The following LMNTD1 variants were observed in gnomAD, a reference collection of about 807,000 sequenced individuals.
The protein encoded by LMNTD1 is lamin tail domain-containing protein 1.
Under a neutral mutation model 50.9 loss-of-function variants are expected in LMNTD1, and 35 were observed. The ratio of observed to expected loss-of-function variants is 0.69; its 90% CI spans 0.53 to 0.91. The LOEUF is 0.91. Ranked by LOEUF, LMNTD1 falls within the 40% of genes least tolerant of loss-of-function variation. LMNTD1 has a pLI of 0.00. For missense variants in LMNTD1, 470 were observed against 475.5 expected, an observed-to-expected ratio of 0.99 and a Z score of 0.11; for synonymous variants, 153 against 161.9, an observed-to-expected ratio of 0.94 and a Z score of 0.42.
chr12:25,596,930 G>GAC (rs1945856017), intron 1 of LMNTD1, among the ~76,000 whole-genome samples: 1 of 22,186 alleles, frequency 4.5e-5, no homozygotes, highest in African/African-American at 5.2e-5. Flanking sequence ...AAGGCACAGA[G>GAC]TCTATTAGTT....
At position 25,546,487 on chromosome 12, in the gene LMNTD1, A is replaced by G. The variant is rs747884066; in HGVS notation, c.378T>C (p.Tyr126=). ...ESPMIGDGED[Y]FLSLFGDSKK... ...TTGAATCACCAAACAAAGAAAGGAA[A>G]TAATCTTCTCCATCCCCAATCATGG... is the stretch of plus-strand genomic sequence containing the variant. The change falls in exon 4 of 10, where the codon TAT becomes TAC. Residue 126 remains tyrosine (Y), a synonymous_variant. Transcript: ENST00000458174. The G allele has an allele frequency of 1.9e-6, 3 of 1,598,598 alleles. No individual in the cohort carries two copies. The highest frequency in any genetic ancestry group is 2.2e-5 in the South Asian group (2 of 88,994).
chr12:25,549,597 C>A, intron 2 of LMNTD1, 51 bp from the exon 3 acceptor site: 2 of 1,110,080 alleles, frequency 1.8e-6, no homozygotes, highest in Non-Finnish European at 2.5e-6. Context: ...GTAAAAGTGG[C>A]TGTGAATAAA....
At chr12:25,506,170 G>T (rs1378402173) in intron 8 of LMNTD1, among the ~76,000 whole-genome samples, 1 of 152,214 alleles carries the variant, frequency 6.6e-6, no homozygotes, top group Non-Finnish European at 1.5e-5. Flanking sequence ...AGCTCACATT[G>T]ATGAGATTTT....
rs112718774 is a variant in LMNTD1, at chr12:25,583,344, A to T, written c.59-36790T>A. 4.6e-3 allele frequency among the ~76,000 whole-genome samples: 705 copies of T among 151,880 alleles called. 5 individuals carry two copies. The highest frequency in any genetic ancestry group is 0.015 in the African/African-American group (637 of 41,382). On this transcript the variant is annotated intron_variant, in intron 1 of 7. Transcript: ENST00000445693. Reference sequence around the variant, plus strand: ...GCCCGGCCGGTAATGTTTTTAAAAAATTTTAGTAGAGCCGAGGTCTCACTA... The same window carrying T: ...GCCCGGCCGGTAATGTTTTTAAAAATTTTTAGTAGAGCCGAGGTCTCACTA...
chr12:25,612,601 A>G (rs1160729817), intron 1 of LMNTD1, among the ~76,000 whole-genome samples: 1 of 152,114 alleles, frequency 6.6e-6, no homozygotes, highest in East Asian at 1.9e-4. Flanking sequence ...TATGCCCAGT[A>G]TCTAGCATGG....
chr12:25,529,334 A>G (rs1265212688), intron 4 of LMNTD1, among the ~76,000 whole-genome samples: 1 of 152,150 alleles, frequency 6.6e-6, no homozygotes, highest in African/African-American at 2.4e-5. Context: ...ATGACTGCTA[A>G]AACTAAATCT....
chr12:25,479,985 C>T lies in LMNTD1; in HGVS notation c.*23-3525G>A, dbSNP rs148321779. On this transcript the variant is annotated intron_variant, in intron 9 of 9. Transcript: ENST00000458174. The stretch of plus-strand genomic sequence containing the variant: ...ACCTCCATCCCTGCCACCATGACAA[C>T]TTTGTTCACAGGACCATTGGGCAAT... Among the ~76,000 whole-genome samples, 469 of 152,308 alleles carry T rather than the reference C, an allele frequency of 3.1e-3. 7 individuals are homozygous for T. The highest frequency in any genetic ancestry group is 0.026 in the East Asian group (135 of 5,172).
At chr12:25,552,766 TA>T (rs1943843397) in intron 2 of LMNTD1, 104 bp downstream of exon 2, 1 of 693,366 alleles carries the variant, frequency 1.4e-6, no homozygotes, top group African/African-American at 1.8e-5. Flanking sequence ...ATTCTAGTTC[TA>T]ACTGGTTCAT....
chr12:25,491,185 T>C (rs970245940), intron 9 of LMNTD1, among the ~76,000 whole-genome samples: 1 of 152,204 alleles, frequency 6.6e-6, no homozygotes. Flanking sequence ...TATAAAATAA[T>C]TACCAAAGGA....
intron 1 of LMNTD1, among the ~76,000 whole-genome samples, chr12:25,581,632 A>G (rs1360449991): frequency 2.6e-5 from 4 of 152,254 alleles, no homozygotes; most frequent in Non-Finnish European, 5.9e-5. Context: ...TAGTTTAGAA[A>G]ATATACAGTT....
At chr12:25,616,629 C>T (rs1166496271) in intron 1 of LMNTD1, among the ~76,000 whole-genome samples, 2 of 152,166 alleles carry the variant, frequency 1.3e-5, no homozygotes, top group Non-Finnish European at 2.9e-5. Flanking sequence ...TATTGTACTG[C>T]AGTTTTGTGA....
intron 4 of LMNTD1, among the ~76,000 whole-genome samples, chr12:25,543,394 A>G (rs1220450718): frequency 6.6e-6 from 1 of 152,056 alleles, no homozygotes; most frequent in Non-Finnish European, 1.5e-5. Context: ...ATGGAATTCA[A>G]ACAGTATAGT....
At chr12:25,537,939 G>A (rs1281449513) in intron 4 of LMNTD1, among the ~76,000 whole-genome samples, 1 of 148,736 alleles carries the variant, frequency 6.7e-6, no homozygotes, top group East Asian at 2.0e-4. Flanking sequence ...GAAGCCTCAG[G>A]AGCCGATGCG....
chr12:25,591,240 C>T (rs963091934), intron 1 of LMNTD1, among the ~76,000 whole-genome samples: 2 of 150,726 alleles, frequency 1.3e-5, no homozygotes, highest in Non-Finnish European at 3.0e-5. Flanking sequence ...TGAATGGAGT[C>T]TCTCACTCTG....
chr12:25,586,165 A>G (rs1316226328), intron 1 of LMNTD1: 2 of 152,004 alleles, frequency 1.3e-5, no homozygotes, highest in Non-Finnish European at 2.9e-5. Context: ...TAAAAGTACT[A>G]TTTGATTTTT....
intron 8 of LMNTD1, among the ~76,000 whole-genome samples, chr12:25,513,991 T>G (rs1465914974): frequency 1.3e-5 from 2 of 152,160 alleles, no homozygotes; most frequent in African/African-American, 4.8e-5. Context: ...ACATGACCTT[T>G]AAAATTCTTA....
Position 25,526,140 on chromosome 12 carries a change from T to G in LMNTD1, c.757A>C (p.Ser253Arg). Reference sequence around the variant, plus strand: ...CACAGGATTGTTATACAATCAGGACTTGCTCTAAACTTGTCTTGTTCCTTC... The same window carrying G: ...CACAGGATTGTTATACAATCAGGACGTGCTCTAAACTTGTCTTGTTCCTTC... Reference protein sequence around the residue: ...LWKEQDKFRASPDCITILCKP... With the variant: ...LWKEQDKFRARPDCITILCKP... The change falls in exon 6 of 10, where the codon AGT becomes CGT. Residue 253 changes from serine to arginine, a missense_variant. Transcript: ENST00000458174. The G allele has an allele frequency of 6.2e-7, 1 of 1,610,642 alleles. No individual in the cohort carries two copies. Among genetic ancestry groups the G allele is most frequent in the African/African-American group, 1.3e-5 (1 of 74,742 alleles).
chr12:25,633,578 T>C (rs544507913), intron 1 of LMNTD1, among the ~76,000 whole-genome samples: 18 of 152,266 alleles, frequency 1.2e-4, no homozygotes, highest in African/African-American at 3.1e-4. Flanking sequence ...TGAATGAGCA[T>C]TGGGTCAAAA....
chr12:25,503,986 C>T (rs7306993), intron 8 of LMNTD1, among the ~76,000 whole-genome samples, 186 bp from the exon 9 acceptor site: 13,373 of 152,136 alleles, frequency 0.088, 698 homozygotes, highest in African/African-American at 0.12. Context: ...TTAGGGGAGA[C>T]TTGAACAAAG....
Sources: allele counts gnomAD v4.1 joint callset (sites outside exome capture counted in the v4.1 genomes callset), GRCh38; gene constraint gnomAD v4.1.1; transcripts MANE v1.5; gene names NCBI Gene and HGNC (gene_info 2026-07-23, HGNC 2026-07-21).